The following TTC39B variants were observed in gnomAD, a reference collection of about 807,000 sequenced individuals.
TTC39B encodes tetratricopeptide repeat domain 39B, also known as tetratricopeptide repeat protein 39B.
TTC39B carries 92 observed loss-of-function variants against 96.6 expected under a neutral mutation model. That is an observed-to-expected ratio of 0.95 (90% CI 0.80 to 1.13). TTC39B has a LOEUF of 1.13. Ranked by LOEUF, TTC39B falls within the 50% of genes most tolerant of loss-of-function variation. The pLI is 0.00. For synonymous variants in TTC39B, 367 were observed against 299.4 expected (o/e 1.23, Z -2.33); for missense variants, 955 against 809.3 (o/e 1.18, Z -2.18).
chr9:15,283,057 G>A (rs1048746674), intron 1 of TTC39B, among the ~76,000 whole-genome samples: 3 of 152,050 alleles, frequency 2.0e-5, no homozygotes, highest in African/African-American at 7.2e-5. Flanking sequence ...CCTCCAGGCG[G>A]CATTTACCAT....
At chr9:15,256,981 G>T (rs1257198926) in intron 2 of TTC39B, among the ~76,000 whole-genome samples, 1 of 152,112 alleles carries the variant, frequency 6.6e-6, no homozygotes, top group African/African-American at 2.4e-5. Flanking sequence ...TTTCTAAAAG[G>T]ATCACTCTTG....
chr9:15,177,867 A>AT, intron 17 of TTC39B, 53 bp from the exon 18 acceptor site: 4 of 951,092 alleles, frequency 4.2e-6, no homozygotes, highest in African/African-American at 1.7e-5. Flanking sequence ...ACTTTTTAAG[A>AT]TCTTTTTTTT....
intron 10 of TTC39B, 42 bp downstream of exon 10, chr9:15,191,148 C>T (rs1818833691): frequency 1.4e-6 from 2 of 1,413,822 alleles, no homozygotes; most frequent in Non-Finnish European, 2.0e-6. Context: ...TAAATACTGT[C>T]TTATCTTCCC....
chr9:15,215,944 C>T (rs542576046), intron 3 of TTC39B, among the ~76,000 whole-genome samples: 1 of 152,190 alleles, frequency 6.6e-6, no homozygotes, highest in African/African-American at 2.4e-5. Flanking sequence ...TTCCATCCCA[C>T]CAACCTCTTC....
chr9:15,281,968 A>C (rs1208124870), intron 1 of TTC39B, among the ~76,000 whole-genome samples: 1 of 152,184 alleles, frequency 6.6e-6, no homozygotes, highest in African/African-American at 2.4e-5. Flanking sequence ...ATGAGCCACC[A>C]CACACAGACT....
At chr9:15,209,943 A>T in intron 6 of TTC39B, 145 bp downstream of exon 6, 2 of 635,628 alleles carry the variant, frequency 3.1e-6, no homozygotes, top group East Asian at 3.0e-5. Context: ...TGAACTATTA[A>T]CAATGATTTC....
At chr9:15,181,497 G>A (rs960981028) in intron 17 of TTC39B, among the ~76,000 whole-genome samples, 7 of 152,172 alleles carry the variant, frequency 4.6e-5, no homozygotes, top group Non-Finnish European at 1.5e-5. Context: ...GAAAACAGAG[G>A]TGTTACCCAG....
At chr9:15,227,996 T>A (rs1015960239) in intron 2 of TTC39B, among the ~76,000 whole-genome samples, 8 of 152,320 alleles carry the variant, frequency 5.3e-5, no homozygotes, top group Admixed American at 5.2e-4. Flanking sequence ...ATAATTTAAA[T>A]AAATGGTACA....
chr9:15,262,595 G>A (rs893091665), intron 2 of TTC39B, among the ~76,000 whole-genome samples: 1 of 151,796 alleles, frequency 6.6e-6, no homozygotes, highest in African/African-American at 2.4e-5. Flanking sequence ...TCTCAAAATA[G>A]TTAAAATAAC....
intron 1 of TTC39B, among the ~76,000 whole-genome samples, chr9:15,300,757 G>T (rs1424266107): frequency 1.3e-5 from 2 of 151,922 alleles, no homozygotes; most frequent in Non-Finnish European, 2.9e-5. Flanking sequence ...GTGGTAGCAG[G>T]CACCTGTAAT....
At chr9:15,285,812 G>A (rs995788519) in intron 1 of TTC39B, among the ~76,000 whole-genome samples, 28 of 152,146 alleles carry the variant, frequency 1.8e-4, no homozygotes, top group Admixed American at 3.3e-4. Context: ...CCGAGATCGC[G>A]TGACTGCACT....
At chr9:15,185,061 A>G (rs1455348652) in intron 16 of TTC39B, among the ~76,000 whole-genome samples, 1 of 152,234 alleles carries the variant, frequency 6.6e-6, no homozygotes, top group African/African-American at 2.4e-5. Context: ...ATACGTTTTT[A>G]GTAGCCTTTA....
rs1225335631 is a variant in TTC39B at position 15,248,632 on chromosome 9, GA to G, written c.275+19281del. Among the ~76,000 whole-genome samples the G allele has an allele frequency of 2.3e-5, 3 of 129,870 alleles. No homozygotes were observed. In the South Asian group the frequency reaches 6.9e-4, roughly 30 times the overall value. The allele number at this position is 129,870 out of a possible 152,430, so 85.2% of individuals were successfully genotyped here. A position where few individuals can be genotyped will look rare whatever the true frequency, so the allele number is the denominator to read the frequency against. On this transcript the variant is annotated intron_variant, in intron 2 of 19. Transcript: ENST00000512701. ...TGAATGAATGAATGAATGAATGAAT[GA>G]AATGAATGAACGAATATAAGATCTT...
intron 6 of TTC39B, among the ~76,000 whole-genome samples, chr9:15,206,474 T>G (rs1026931984): frequency 3.3e-5 from 5 of 152,224 alleles, no homozygotes; most frequent in African/African-American, 4.8e-5. Flanking sequence ...TACAGCTTAA[T>G]TTATAAAAGT....
exon 4 of TTC39B, chr9:15,214,160 G>C: frequency 6.2e-7 from 1 of 1,613,722 alleles, no homozygotes; most frequent in Non-Finnish European, 8.5e-7. Flanking sequence ...CAATTCTAAG[G>C]CGTCTGTAAA....
intron 17 of TTC39B, among the ~76,000 whole-genome samples, chr9:15,179,000 G>T (rs1209592919): frequency 6.6e-6 from 1 of 152,148 alleles, no homozygotes; most frequent in Non-Finnish European, 1.5e-5. Context: ...TACATGAAAG[G>T]CACCTAAAAT....
intron 2 of TTC39B, among the ~76,000 whole-genome samples, chr9:15,254,423 G>C (rs1196432751): frequency 6.6e-6 from 1 of 152,046 alleles, no homozygotes; most frequent in African/African-American, 2.4e-5. Context: ...AAAAACAGCA[G>C]TGCTCTTCAA....
At chr9:15,201,439 A>C (rs1819534251) in intron 7 of TTC39B, among the ~76,000 whole-genome samples, 1 of 152,206 alleles carries the variant, frequency 6.6e-6, no homozygotes, top group South Asian at 2.1e-4. Flanking sequence ...GGATGTCATG[A>C]GAACACAAAG....
chr9:15,211,969 A>G (rs1355290394), intron 4 of TTC39B, among the ~76,000 whole-genome samples: 1 of 152,196 alleles, frequency 6.6e-6, no homozygotes, highest in Non-Finnish European at 1.5e-5. Flanking sequence ...TGATATTTCA[A>G]ATCATCAAGT....
Sources: gnomAD v4.1 joint callset for allele counts (sites outside exome capture counted in the v4.1 genomes callset) on GRCh38, gnomAD v4.1.1 for gene constraint, MANE v1.5 for transcripts, NCBI Gene and HGNC (gene_info 2026-07-23, HGNC 2026-07-21) for gene names.